The following AGAP1 variants were observed in gnomAD, a reference collection of about 807,000 sequenced individuals.
AGAP1 encodes the protein ArfGAP with GTPase domain, ankyrin repeat and PH domain 1, also known as arf-GAP with GTPase, ANK repeat and PH domain-containing protein 1.
AGAP1 carries 29 observed loss-of-function variants against 105.3 expected under a neutral mutation model. The ratio of observed to expected loss-of-function variants is 0.28; its 90% confidence interval spans 0.21 to 0.38. The LOEUF is 0.38. AGAP1 is among the 10% of genes least tolerant of loss of function. The pLI is 1.00. For missense variants in AGAP1, 998 were observed against 1,165.1 expected (o/e 0.86, Z 2.09); for synonymous variants, 509 against 485.9 (o/e 1.05, Z -0.63).
At chr2:236,069,662 G>C (rs2058446719) in intron 16 of AGAP1, among the ~76,000 whole-genome samples, 1 of 152,202 alleles carries the variant, frequency 6.6e-6, no homozygotes, top group African/African-American at 2.4e-5. Context: ...GACCTCAAGT[G>C]ATCTGCCCAC....
At chr2:235,572,247 T>G (rs1458280500) in intron 1 of AGAP1, among the ~76,000 whole-genome samples, 1 of 151,918 alleles carries the variant, frequency 6.6e-6, no homozygotes, top group Non-Finnish European at 1.5e-5. Flanking sequence ...AGCTGACTCT[T>G]GACCCCCGCT....
rs1156566108 is a variant in AGAP1 at position 235,721,817 on chromosome 2, A to G, written c.310+4173A>G. 6.6e-6 allele frequency among the ~76,000 whole-genome samples: 1 copy of G among 152,036 alleles called. No homozygotes were observed. Among genetic ancestry groups the G allele is most frequent in the Non-Finnish European group, 1.5e-5 (1 of 67,982 alleles). ...CTTCAGGGGAGAGCTCTCTTGTGGT[A>G]GAAACATTTCTGGTGCAGAGCCGTC... On this transcript the variant is annotated intron_variant, in intron 3 of 17. Transcript: ENST00000304032. The surrounding 1 kb of genome is among the most constrained non-coding windows in gnomAD (Gnocchi z 4.5).
intron 1 of AGAP1, among the ~76,000 whole-genome samples, chr2:235,641,688 A>G (rs1035795377): frequency 1.3e-5 from 2 of 152,218 alleles, no homozygotes; most frequent in Non-Finnish European, 1.5e-5. Flanking sequence ...TTAAAAATAC[A>G]TATTTTATTT....
intron 1 of AGAP1, among the ~76,000 whole-genome samples, chr2:235,704,770 AT>A (rs1314428026): frequency 2.0e-5 from 3 of 152,112 alleles, no homozygotes; most frequent in Admixed American, 6.5e-5. Flanking sequence ...ACAGCAGATA[AT>A]GAGGGAGGGA....
rs1050098380 is a variant in AGAP1, at chr2:236,073,741, T to TG, written c.2114+24465dup. 6.6e-6 allele frequency among the ~76,000 whole-genome samples: 1 copy of TG among 152,158 alleles called. No homozygotes were observed. The highest frequency in any genetic ancestry group is 2.4e-5 in the African/African-American group (1 of 41,448). On this transcript the variant is annotated intron_variant, in intron 16 of 17. Coordinates refer to ENST00000304032, the MANE Select transcript of AGAP1 (RefSeq NM_001037131.3). The surrounding 1 kb of genome is among the most constrained non-coding windows in gnomAD (Gnocchi z 5.4). The stretch of plus-strand genomic sequence containing the variant: ...TTGTAACTTGTAACTTCATTGGTGG[T>TG]GGGGGTACAGGCAGGTCAGCTTGTT...
chr2:235,884,860 A>ACAG (rs10526218), intron 10 of AGAP1, among the ~76,000 whole-genome samples: 203 of 151,202 alleles, frequency 1.3e-3, no homozygotes, highest in African/African-American at 4.2e-3. Context: ...AGTAATAGTC[A>ACAG]CAGCAGCAGC....
At chr2:235,630,935 G>A (rs1438698811) in intron 1 of AGAP1, among the ~76,000 whole-genome samples, 1 of 152,196 alleles carries the variant, frequency 6.6e-6, no homozygotes, top group Admixed American at 6.5e-5. Flanking sequence ...GCCGCAGCCC[G>A]ATCAAAACAA....
rs1957493462 is a variant in AGAP1 at position 235,801,507 on chromosome 2, TCACA to T, written c.957+1991_957+1994del. On this transcript the variant is annotated intron_variant, in intron 8 of 17. Transcript: ENST00000304032. The surrounding 1 kb of genome is among the most constrained non-coding windows in gnomAD (Gnocchi z 6.0). ...TAACATGTTTTATTGGGCAGTTTCT[TCACA>T]CACACCGAGAACAGCAGCAGTCACC... is the stretch of plus-strand genomic sequence containing the variant. 6.6e-6 allele frequency among the ~76,000 whole-genome samples: 1 copy of T among 152,036 alleles called. No homozygotes were observed. Among genetic ancestry groups the T allele is most frequent in the Admixed American group, 6.6e-5 (1 of 15,258 alleles).
chr2:235,768,837 C>T (rs1955190734), intron 6 of AGAP1, among the ~76,000 whole-genome samples: 1 of 152,124 alleles, frequency 6.6e-6, no homozygotes, highest in East Asian at 1.9e-4. Flanking sequence ...TGGGCCAGGC[C>T]CCAGTTTGGC....
In AGAP1 at chr2:235,615,413, T is replaced by A. The variant is rs1379052250; in HGVS notation, c.164-93766T>A. Among the ~76,000 whole-genome samples, 1 of 152,250 alleles carries A rather than the reference T, an allele frequency of 6.6e-6. No individual in the cohort carries two copies. Among genetic ancestry groups the A allele is most frequent in the African/African-American group, 2.4e-5 (1 of 41,476 alleles). On this transcript the variant is annotated intron_variant, in intron 1 of 17. Coordinates refer to ENST00000304032, the MANE Select transcript of AGAP1 (RefSeq NM_001037131.3). This position sits in a 1 kb window ranked among gnomAD's most constrained non-coding sequence, Gnocchi z 5.0. ...CAAAAGTTGGAATGATCCCATTCTT[T>A]ACTCACAGCCTGAGCTATTTTTTTT...
intron 9 of AGAP1, among the ~76,000 whole-genome samples, chr2:235,862,221 TC>T (rs1286429566): frequency 1.3e-5 from 2 of 152,206 alleles, no homozygotes; most frequent in Admixed American, 6.5e-5. Context: ...CACTTTGTTT[TC>T]CAGAAGCACA....
rs2057719677 is a variant in AGAP1, at chr2:236,046,427, A to C, written c.1892-2632A>C. Reference sequence around the variant, plus strand: ...TGCTGGTGAGGACGCCCATGGGAGCATAAGTTCGAGAAGAAAGCGTTGGAC... The same window carrying C: ...TGCTGGTGAGGACGCCCATGGGAGCCTAAGTTCGAGAAGAAAGCGTTGGAC... On this transcript the variant is annotated intron_variant, in intron 15 of 17. Transcript: ENST00000304032. This position sits in a 1 kb window ranked among gnomAD's most constrained non-coding sequence, Gnocchi z 5.2. 6.6e-6 allele frequency among the ~76,000 whole-genome samples: 1 copy of C among 152,196 alleles called. No individual in the cohort carries two copies.
At position 235,866,979 on chromosome 2, in the gene AGAP1, G is replaced by A. The variant is rs2049200190; in HGVS notation, c.1051-16366G>A. Among the ~76,000 whole-genome samples the A allele has an allele frequency of 6.6e-6, 1 of 152,174 alleles. No homozygotes were observed. The highest frequency in any genetic ancestry group is 1.5e-5 in the Non-Finnish European group (1 of 68,032). ...TTAGGATCTCAATATCTGAATTAGG[G>A]AGTGGAGCACAATGCAGCCCATAAT... is the stretch of plus-strand genomic sequence containing the variant. On this transcript the variant is annotated intron_variant, in intron 9 of 17. Coordinates refer to ENST00000304032, the MANE Select transcript of AGAP1 (RefSeq NM_001037131.3). The surrounding 1 kb of genome is among the most constrained non-coding windows in gnomAD (Gnocchi z 6.1).
rs76276861 is a variant in AGAP1, at chr2:235,875,552, C to A, written c.1051-7793C>A. Among the ~76,000 whole-genome samples the A allele has an allele frequency of 6.4e-3, 976 of 152,272 alleles. 4 individuals carry two copies. Among genetic ancestry groups the A allele is most frequent in the Non-Finnish European group, 0.01 (707 of 68,018 alleles). On this transcript the variant is annotated intron_variant, in intron 9 of 17. Transcript: ENST00000304032. This position sits in a 1 kb window ranked among gnomAD's most constrained non-coding sequence, Gnocchi z 4.0. ...CGGAACACTTGTGCTTTGAAGGCTG[C>A]GATTGGACACGTGATTCCCAGCACG...
At chr2:235,818,437 CT>C (rs1021713155) in intron 9 of AGAP1, among the ~76,000 whole-genome samples, 3 of 151,974 alleles carry the variant, frequency 2.0e-5, no homozygotes, top group Non-Finnish European at 4.4e-5. Flanking sequence ...CCATGACCGT[CT>C]TTTTTTTGTT....
At position 235,930,636 on chromosome 2, in the gene AGAP1, G is replaced by C. The variant is rs1489796321; in HGVS notation, c.1325-129G>C. The C allele has an allele frequency of 4.4e-6, 4 of 907,350 alleles. No individual in the cohort carries two copies. The highest frequency in any genetic ancestry group is 6.5e-6 in the Non-Finnish European group (4 of 613,406). The allele number at this position is 907,350 out of a possible 1,614,324, so 56.2% of individuals were successfully genotyped here. A position where few individuals can be genotyped will look rare whatever the true frequency, so the allele number is the denominator to read the frequency against. On this transcript the variant is annotated intron_variant, in intron 11 of 17. Transcript: ENST00000304032. The surrounding 1 kb of genome is among the most constrained non-coding windows in gnomAD (Gnocchi z 7.9). ...GTCTGGCGCTTCCGTTTGCCATGCA[G>C]GCAGGACAGGGGCTGCTCTCGGTGG...
chr2:235,800,384 A>C (rs1480888919), intron 8 of AGAP1, among the ~76,000 whole-genome samples: 2 of 151,804 alleles, frequency 1.3e-5, no homozygotes, highest in Non-Finnish European at 2.9e-5. Flanking sequence ...TACAGGCATG[A>C]GCCATAGTGC....
At chr2:235,616,512 T>G (rs578047646) in intron 1 of AGAP1, among the ~76,000 whole-genome samples, 1 of 152,224 alleles carries the variant, frequency 6.6e-6, no homozygotes, top group Non-Finnish European at 1.5e-5. Flanking sequence ...GGAGAGAAAT[T>G]TGTCAAACAG....
intron 1 of AGAP1, among the ~76,000 whole-genome samples, chr2:235,616,968 T>A (rs184787860): frequency 4.2e-4 from 64 of 152,284 alleles, no homozygotes; most frequent in South Asian, 2.7e-3. Flanking sequence ...TTTTATTTTT[T>A]TTTTTTAAGC....
Sources: allele counts gnomAD v4.1 joint callset (sites outside exome capture counted in the v4.1 genomes callset), GRCh38; gene constraint gnomAD v4.1.1; non-coding constraint Gnocchi (gnomAD v3.1); transcripts MANE v1.5; gene names NCBI Gene and HGNC (gene_info 2026-07-23, HGNC 2026-07-21).